Variants in KIF26B observed in about 807,000 individuals in gnomAD.
KIF26B encodes the protein kinesin-like protein KIF26B.
Under a neutral mutation model 151.2 loss-of-function variants are expected in KIF26B, and 63 were observed. The observed-to-expected ratio is 0.42, with a 90% CI of 0.34 to 0.51. The LOEUF (loss-of-function observed/expected upper bound fraction) is 0.51, where lower values mean the gene tolerates loss of function less well. Ranked by LOEUF, KIF26B falls within the 20% of genes least tolerant of loss-of-function variation. The pLI, the probability that KIF26B is intolerant of heterozygous loss-of-function variation, is 0.07. For missense variants in KIF26B, 2,813 were observed against 2,913.6 expected (o/e 0.97, Z 0.79); for synonymous variants, 1,357 against 1,262.1 (o/e 1.08, Z -1.59).
At chr1:245,210,874 C>G (rs1189665675) in intron 2 of KIF26B, among the ~76,000 whole-genome samples, 1 of 152,154 alleles carries the variant, frequency 6.6e-6, no homozygotes, top group East Asian at 1.9e-4. Context: ...ACCTCCTAGA[C>G]ATAGGAAGCC....
intron 4 of KIF26B, among the ~76,000 whole-genome samples, chr1:245,472,295 T>A (rs1422051072): frequency 1.3e-5 from 2 of 152,126 alleles, no homozygotes; most frequent in Non-Finnish European, 2.9e-5. Context: ...AATAAATGAG[T>A]GAATGGATGT....
intron 4 of KIF26B, among the ~76,000 whole-genome samples, chr1:245,530,715 C>G (rs1661341034): frequency 6.6e-6 from 1 of 152,176 alleles, no homozygotes; most frequent in African/African-American, 2.4e-5. Flanking sequence ...TCAGGCTTCT[C>G]CCAGTTCTTT....
At chr1:245,173,318 G>GC (rs1215926792) in intron 2 of KIF26B, among the ~76,000 whole-genome samples, 1 of 152,188 alleles carries the variant, frequency 6.6e-6, no homozygotes, top group Non-Finnish European at 1.5e-5. Flanking sequence ...ATGTCACTGA[G>GC]CTGCACGCTG....
At chr1:245,271,852 A>G (rs933857991) in intron 2 of KIF26B, among the ~76,000 whole-genome samples, 2 of 152,180 alleles carry the variant, frequency 1.3e-5, no homozygotes, top group African/African-American at 4.8e-5. Flanking sequence ...TGTTATCACT[A>G]TAATGCTAGC....
At chr1:245,222,847 C>A (rs1353652701) in intron 2 of KIF26B, among the ~76,000 whole-genome samples, 1 of 152,178 alleles carries the variant, frequency 6.6e-6, no homozygotes, top group Non-Finnish European at 1.5e-5. Flanking sequence ...ACTTAATACA[C>A]AATAGCCTTT....
intron 8 of KIF26B, among the ~76,000 whole-genome samples, chr1:245,610,893 T>C (rs1489708467): frequency 6.6e-6 from 1 of 152,216 alleles, no homozygotes; most frequent in Non-Finnish European, 1.5e-5. Flanking sequence ...ATTATTTGTA[T>C]AGTTAGAGTA....
At chr1:245,430,943 T>G (rs1268322994) in intron 4 of KIF26B, among the ~76,000 whole-genome samples, 1 of 152,230 alleles carries the variant, frequency 6.6e-6, no homozygotes, top group African/African-American at 2.4e-5. Flanking sequence ...GGTGGGGACA[T>G]TTGTGTCTTT....
intron 9 of KIF26B, among the ~76,000 whole-genome samples, chr1:245,638,319 G>T (rs777885125): frequency 6.6e-6 from 1 of 151,736 alleles, no homozygotes; most frequent in East Asian, 1.9e-4. Flanking sequence ...CACATTTTGC[G>T]TGTTTATTTT....
chr1:245,223,781 C>G (rs1558351558), intron 2 of KIF26B, among the ~76,000 whole-genome samples: 1 of 152,156 alleles, frequency 6.6e-6, no homozygotes, highest in African/African-American at 2.4e-5. Context: ...CATTTTTCTC[C>G]TCTACACTGT....
At chr1:245,359,049 C>T (rs180937831) in intron 2 of KIF26B, among the ~76,000 whole-genome samples, 13 of 151,658 alleles carry the variant, frequency 8.6e-5, no homozygotes, top group Middle Eastern at 3.4e-3. Flanking sequence ...GATGGAGTCA[C>T]GCTCTGTTGC....
At chr1:245,515,972 AG>A (rs1660953296) in intron 4 of KIF26B, among the ~76,000 whole-genome samples, 1 of 152,170 alleles carries the variant, frequency 6.6e-6, no homozygotes, top group South Asian at 2.1e-4. Flanking sequence ...GAAGGGGCAG[AG>A]GGTGTTGCAT....
intron 14 of KIF26B, among the ~76,000 whole-genome samples, chr1:245,699,414 G>T (rs569958954): frequency 8.6e-5 from 13 of 151,204 alleles, no homozygotes; most frequent in African/African-American, 2.9e-4. Context: ...AGAATTTATA[G>T]AGCCCTTAAA....
chr1:245,174,703 G>A (rs985060954), intron 2 of KIF26B, among the ~76,000 whole-genome samples: 5 of 152,060 alleles, frequency 3.3e-5, no homozygotes, highest in Non-Finnish European at 7.3e-5. Flanking sequence ...TATCGACTCT[G>A]TGTCAGGCGC....
At chr1:245,235,934 T>TA (rs1670100963) in intron 2 of KIF26B, among the ~76,000 whole-genome samples, 1 of 150,602 alleles carries the variant, frequency 6.6e-6, no homozygotes, top group African/African-American at 2.4e-5. Context: ...TCACTTATTT[T>TA]TTTTTTTTTT....
intron 4 of KIF26B, among the ~76,000 whole-genome samples, chr1:245,465,989 G>A (rs950649389): frequency 1.3e-5 from 2 of 152,238 alleles, no homozygotes; most frequent in South Asian, 2.1e-4. Flanking sequence ...TAGAGAGATT[G>A]AAGAGTGGAC....
At chr1:245,393,017 A>C (rs554307949) in intron 3 of KIF26B, among the ~76,000 whole-genome samples, 1 of 152,054 alleles carries the variant, frequency 6.6e-6, no homozygotes, top group Non-Finnish European at 1.5e-5. Flanking sequence ...CTAAAGATAC[A>C]AAAATTAGCT....
rs915227656 is a variant in KIF26B, at chr1:245,239,813, G to C, written c.465+83130G>C. ...GTCCTGACCAGTAAAATGATTTTCT[G>C]AATGTTTTAGTGTTTTTCCTTCCAA... On this transcript the variant is annotated intron_variant, in intron 2 of 14. Transcript: ENST00000407071. This position sits in a 1 kb window ranked among gnomAD's most constrained non-coding sequence, Gnocchi z 4.3. 1.3e-5 allele frequency among the ~76,000 whole-genome samples: 2 copies of C among 151,906 alleles called. No homozygotes were observed. The highest frequency in any genetic ancestry group is 2.4e-5 in the African/African-American group (1 of 41,362).
intron 9 of KIF26B, among the ~76,000 whole-genome samples, chr1:245,629,450 A>G (rs1194790559): frequency 6.6e-6 from 1 of 152,208 alleles, no homozygotes; most frequent in Non-Finnish European, 1.5e-5. Flanking sequence ...CTACACATCT[A>G]CAACAATCTG....
chr1:245,218,325 G>C lies in KIF26B; in HGVS notation c.465+61642G>C, dbSNP rs1162782299. Among the ~76,000 whole-genome samples the C allele has an allele frequency of 6.6e-6, 1 of 152,056 alleles. No homozygotes were observed. Among genetic ancestry groups the C allele is most frequent in the African/African-American group, 2.4e-5 (1 of 41,350 alleles). On this transcript the variant is annotated intron_variant, in intron 2 of 14. Transcript: ENST00000407071. The surrounding 1 kb of genome is among the most constrained non-coding windows in gnomAD (Gnocchi z 4.1). ...GTCTGGTTAGCATAAGATAAACAGG[G>C]ATAGTAGCAGCAGTTGTCACTCTGA...
Sources: allele counts gnomAD v4.1 joint callset (sites outside exome capture counted in the v4.1 genomes callset), GRCh38; gene constraint gnomAD v4.1.1; non-coding constraint Gnocchi (gnomAD v3.1); transcripts MANE v1.5; gene names NCBI Gene and HGNC (gene_info 2026-07-23, HGNC 2026-07-21).